The following IL2RA variants were observed in gnomAD, a reference collection of about 807,000 sequenced individuals.
IL2RA encodes interleukin 2 receptor subunit alpha.
IL2RA carries 24 observed loss-of-function variants against 37.8 expected under a neutral mutation model. The ratio of observed to expected loss-of-function variants is 0.63; its 90% CI spans 0.46 to 0.89. IL2RA has a LOEUF of 0.89. IL2RA is among the 40% of genes least tolerant of loss of function. The pLI is 0.00. For synonymous variants in IL2RA, 125 were observed against 114.6 expected (o/e 1.09, Z -0.58); for missense variants, 319 against 348.6 (o/e 0.92, Z 0.68).
In IL2RA at chr10:6,025,485, A is replaced by G. The variant is rs184725308; in HGVS notation, c.256+349T>C. On this transcript the variant is annotated intron_variant, in intron 2 of 7. Transcript: ENST00000379959. This position sits in a 1 kb window ranked among gnomAD's most constrained non-coding sequence, Gnocchi z 4.4. ...AGCCTGGCCAACATGGTGAAACCCC[A>G]TCTCTACTAAAAATGCAAAAATTAG... 3.1e-3 allele frequency among the ~76,000 whole-genome samples: 468 copies of G among 151,628 alleles called. 2 individuals carry two copies. The highest frequency in any genetic ancestry group is 0.011 in the African/African-American group (443 of 41,308).
intron 1 of IL2RA, among the ~76,000 whole-genome samples, chr10:6,038,998 A>G (rs1453796796): frequency 1.3e-5 from 2 of 152,254 alleles, no homozygotes; most frequent in East Asian, 3.8e-4. Flanking sequence ...AGTAATAATT[A>G]TCAATGTGGA....
At position 6,048,754 on chromosome 10, in the gene IL2RA, A is replaced by G. The variant is rs904232688; in HGVS notation, c.64+13334T>C. Among the ~76,000 whole-genome samples the G allele has an allele frequency of 2.0e-5, 3 of 152,080 alleles. No homozygotes were observed. The highest frequency in any genetic ancestry group is 4.4e-5 in the Non-Finnish European group (3 of 68,000). ...TTCCTTCATTCTTCACATAAACCCA[A>G]TGCTGTCTCTCCAAAGTACAAGCCA... On this transcript the variant is annotated intron_variant, in intron 1 of 7. Coordinates refer to ENST00000379959, the MANE Select transcript of IL2RA (RefSeq NM_000417.3). This position sits in a 1 kb window ranked among gnomAD's most constrained non-coding sequence, Gnocchi z 5.3.
intron 1 of IL2RA, among the ~76,000 whole-genome samples, chr10:6,031,871 A>T (rs1839599943): frequency 6.6e-6 from 1 of 152,176 alleles, no homozygotes; most frequent in African/African-American, 2.4e-5. Flanking sequence ...CTCCTTAGAA[A>T]CACAAAAGAC....
rs1840021932 is a variant in IL2RA, at chr10:6,054,996, C to T, written c.64+7092G>A. Among the ~76,000 whole-genome samples, 1 of 152,176 alleles carries T rather than the reference C, an allele frequency of 6.6e-6. No individual in the cohort carries two copies. The highest frequency in any genetic ancestry group is 2.1e-4 in the South Asian group (1 of 4,822). On this transcript the variant is annotated intron_variant, in intron 1 of 7. Transcript: ENST00000379959. The surrounding 1 kb of genome is among the most constrained non-coding windows in gnomAD (Gnocchi z 4.5). ...ACAGGCATGAGCTATCACACTCAGC[C>T]TATTTTCTCATTTCAGTCGCAAGTT...
chr10:6,023,330 T>C (rs1839419625), intron 3 of IL2RA, among the ~76,000 whole-genome samples: 1 of 152,130 alleles, frequency 6.6e-6, no homozygotes, highest in African/African-American at 2.4e-5. Context: ...GTTTTTTTTC[T>C]TTTTTGTTTT....
In IL2RA at chr10:6,014,660, A is replaced by G. The variant is rs1839247792; in HGVS notation, c.795-1764T>C. Among the ~76,000 whole-genome samples the G allele has an allele frequency of 2.0e-5, 3 of 152,362 alleles. No homozygotes were observed. Among genetic ancestry groups the G allele is most frequent in the Admixed American group, 2.0e-4 (3 of 15,306 alleles). On this transcript the variant is annotated intron_variant, in intron 7 of 7. Coordinates refer to ENST00000379959, the MANE Select transcript of IL2RA (RefSeq NM_000417.3). This position sits in a 1 kb window ranked among gnomAD's most constrained non-coding sequence, Gnocchi z 4.4. ...GGATGCAAGTACTGAGTACACGTAC[A>G]ACATGTCAGCCACGTCACATCCTTC...
In IL2RA at chr10:6,015,552, C is replaced by G. The variant is rs1002809312; in HGVS notation, c.794+2501G>C. ...CACAGGTGGGACCCAGCAATCTGTGCTTTAACAAGGCCTCCAGATGATTCT... is the reference window on the plus strand; with the variant it reads ...CACAGGTGGGACCCAGCAATCTGTGGTTTAACAAGGCCTCCAGATGATTCT... On this transcript the variant is annotated intron_variant, in intron 7 of 7. Coordinates refer to ENST00000379959, the MANE Select transcript of IL2RA (RefSeq NM_000417.3). This position sits in a 1 kb window ranked among gnomAD's most constrained non-coding sequence, Gnocchi z 4.9. Among the ~76,000 whole-genome samples, 13 of 152,164 alleles carry G rather than the reference C, an allele frequency of 8.5e-5. No individual in the cohort carries two copies. The highest frequency in any genetic ancestry group is 1.2e-4 in the African/African-American group (5 of 41,434).
intron 1 of IL2RA, among the ~76,000 whole-genome samples, chr10:6,027,816 C>T (rs1310031924): frequency 6.6e-6 from 1 of 152,158 alleles, no homozygotes; most frequent in South Asian, 2.1e-4. Context: ...CTGTACTTCT[C>T]ATATCACTGG....
intron 1 of IL2RA, among the ~76,000 whole-genome samples, chr10:6,041,960 A>G (rs968836418): frequency 6.6e-6 from 1 of 152,016 alleles, no homozygotes; most frequent in African/African-American, 2.4e-5. Context: ...ACAATAACAT[A>G]AGAGAAACTA....
intron 1 of IL2RA, among the ~76,000 whole-genome samples, chr10:6,039,022 C>A (rs920827629): frequency 6.6e-6 from 1 of 152,120 alleles, no homozygotes; most frequent in Admixed American, 6.5e-5. Flanking sequence ...ATTAACCCTG[C>A]AGTTACAGAA....
chr10:6,011,381 A>G lies in IL2RA; in HGVS notation c.*1491T>C, dbSNP rs1839188955. On this transcript the variant is annotated 3_prime_UTR_variant, in exon 8 of 8. Transcript: ENST00000379959. This position sits in a 1 kb window ranked among gnomAD's most constrained non-coding sequence, Gnocchi z 5.2. ...TTCCTGGAATAGTAGCAGCAGCAAC[A>G]GCACCTGGGAATTGTTAGACACACA... 1 of 152,378 alleles carries G rather than the reference A, an allele frequency of 6.6e-6. No homozygotes were observed. Among genetic ancestry groups the G allele is most frequent in the Non-Finnish European group, 1.5e-5 (1 of 68,066 alleles). The allele number at this position is 152,378 out of a possible 1,614,324, so 9.4% of individuals were successfully genotyped here.
intron 1 of IL2RA, among the ~76,000 whole-genome samples, chr10:6,052,326 C>T (rs998829015): frequency 2.0e-5 from 3 of 152,070 alleles, no homozygotes; most frequent in East Asian, 3.9e-4. Flanking sequence ...TGTGTTCCAT[C>T]GACTCCTTCT....
At position 6,019,868 on chromosome 10, in the gene IL2RA, A is replaced by C; in HGVS notation, c.655+2T>G. On this transcript the variant is annotated splice_donor_variant, in intron 5 of 7. Transcript: ENST00000379959. LOFTEE classifies it high-confidence loss of function. ...TGGTCCAGCGTTTGTCTTCTCCCGC[A>C]CCTGTTGTTGTGACGAGGCAGGAAG... 1 of 1,613,750 alleles carries C rather than the reference A, an allele frequency of 6.2e-7. No individual in the cohort carries two copies. Among genetic ancestry groups the C allele is most frequent in the Non-Finnish European group, 8.5e-7 (1 of 1,179,818 alleles).
chr10:6,035,255 C>A lies in IL2RA; in HGVS notation c.65-9230G>T, dbSNP rs1839662141. Among the ~76,000 whole-genome samples, 1 of 152,326 alleles carries A rather than the reference C, an allele frequency of 6.6e-6. No individual in the cohort carries two copies. The highest frequency in any genetic ancestry group is 2.1e-4 in the South Asian group (1 of 4,820). On this transcript the variant is annotated intron_variant, in intron 1 of 7. Coordinates refer to ENST00000379959, the MANE Select transcript of IL2RA (RefSeq NM_000417.3). This position sits in a 1 kb window ranked among gnomAD's most constrained non-coding sequence, Gnocchi z 5.4. ...CTGAGAGAGCCAGGGGTTCCTTGGGCCCCCGCTAGGGGACTTTCTGTTTGC... is the reference window on the plus strand; with the variant it reads ...CTGAGAGAGCCAGGGGTTCCTTGGGACCCCGCTAGGGGACTTTCTGTTTGC...
chr10:6,033,990 G>A lies in IL2RA; in HGVS notation c.65-7965C>T, dbSNP rs188597217. Reference sequence around the variant, plus strand: ...ACCAGGATTGACCTCAGATGTTTTTGGAATCTGAGATGTCAATCACAAGCC... The same window carrying A: ...ACCAGGATTGACCTCAGATGTTTTTAGAATCTGAGATGTCAATCACAAGCC... On this transcript the variant is annotated intron_variant, in intron 1 of 7. Coordinates refer to ENST00000379959, the MANE Select transcript of IL2RA (RefSeq NM_000417.3). This position sits in a 1 kb window ranked among gnomAD's most constrained non-coding sequence, Gnocchi z 4.3. Among the ~76,000 whole-genome samples the A allele has an allele frequency of 1.3e-5, 2 of 152,226 alleles. No individual in the cohort carries two copies. Among genetic ancestry groups the A allele is most frequent in the East Asian group, 3.9e-4 (2 of 5,190 alleles).
At chr10:6,017,572 A>ATTTTTTTTTTTT (rs71390109) in intron 7 of IL2RA, among the ~76,000 whole-genome samples, 2 of 104,860 alleles carry the variant, frequency 1.9e-5, no homozygotes, top group Non-Finnish European at 3.7e-5. Context: ...TGGTCGTTTA[A>ATTTTTTTTTTTT]TTTTTTTTTT....
intron 1 of IL2RA, among the ~76,000 whole-genome samples, chr10:6,032,030 A>G (rs778120086): frequency 4.6e-5 from 7 of 152,220 alleles, no homozygotes; most frequent in African/African-American, 2.4e-5. Flanking sequence ...AAAGTCCTGA[A>G]ATGGACTCAA....
chr10:6,019,164 C>T (rs12722586), intron 6 of IL2RA, among the ~76,000 whole-genome samples: 4,407 of 152,250 alleles, frequency 0.029, 96 homozygotes, highest in South Asian at 0.12. Flanking sequence ...ACCCACCAAC[C>T]TGCCAATCTA....
intron 1 of IL2RA, among the ~76,000 whole-genome samples, chr10:6,055,351 G>A (rs1469086181): frequency 6.6e-6 from 1 of 151,934 alleles, no homozygotes; most frequent in Non-Finnish European, 1.5e-5. Flanking sequence ...GGAAGGGAAG[G>A]TATTGTGATG....
Sources: gnomAD v4.1 joint callset for allele counts (sites outside exome capture counted in the v4.1 genomes callset) on GRCh38, gnomAD v4.1.1 for gene constraint, Gnocchi (gnomAD v3.1) non-coding constraint, MANE v1.5 for transcripts, NCBI Gene and HGNC (gene_info 2026-07-23, HGNC 2026-07-21) for gene names.